Variants in PCDH15 observed in about 807,000 individuals in gnomAD.
PCDH15 encodes protocadherin-15.
In PCDH15, 129 loss-of-function variants were observed where a neutral mutation model predicts 178.5. The ratio of observed to expected loss-of-function variants is 0.72; its 90% CI spans 0.63 to 0.84. The LOEUF (loss-of-function observed/expected upper bound fraction) is 0.84. PCDH15 is among the 40% of genes least tolerant of loss of function. PCDH15 has a pLI of 0.00. For synonymous variants in PCDH15, 800 were observed against 732.0 expected (o/e 1.09, Z -1.50); for missense variants, 2,230 against 2,099.9 (o/e 1.06, Z -1.21).
intron 2 of PCDH15, among the ~76,000 whole-genome samples, chr10:55,619,361 G>A (rs1843542644): frequency 6.6e-6 from 1 of 151,936 alleles, no homozygotes; most frequent in African/African-American, 2.4e-5. Flanking sequence ...ACACTCTGCT[G>A]GAGGTAACTT....
chr10:54,242,166 A>G (rs1370492390), intron 8 of PCDH15, among the ~76,000 whole-genome samples: 7 of 116,984 alleles, frequency 6.0e-5, no homozygotes, highest in African/African-American at 2.4e-4. Flanking sequence ...ATATATATAT[A>G]TATATATATA....
chr10:54,881,319 C>A (rs1243565877), intron 3 of PCDH15, among the ~76,000 whole-genome samples: 1 of 152,058 alleles, frequency 6.6e-6, no homozygotes, highest in Non-Finnish European at 1.5e-5. Context: ...ATGCTTTTGC[C>A]TCTTCTCTGC....
Position 55,048,495 on chromosome 10 carries a change from T to C in PCDH15, c.-80+118081A>G, listed in dbSNP as rs193147814. Among the ~76,000 whole-genome samples, 272 of 152,046 alleles carry C rather than the reference T, an allele frequency of 1.8e-3. 1 individual carries two copies. Among genetic ancestry groups the C allele is most frequent in the African/African-American group, 6.5e-3 (268 of 41,550 alleles). ...TTTATAGAAAATGTTATGCCTCTCA[T>C]AGCATTAATTGTTTTTAAAAAGTTA... On this transcript the variant is annotated intron_variant, in intron 2 of 5. Transcript: ENST00000458638.
At chr10:54,287,183 C>G (rs2059081973) in intron 8 of PCDH15, among the ~76,000 whole-genome samples, 1 of 152,066 alleles carries the variant, frequency 6.6e-6, no homozygotes, top group African/African-American at 2.4e-5. Flanking sequence ...CTCAAAACTT[C>G]TAAAGTTTAA....
At chr10:54,719,686 C>A (rs548152256) in intron 1 of PCDH15, among the ~76,000 whole-genome samples, 2 of 152,060 alleles carry the variant, frequency 1.3e-5, no homozygotes, top group South Asian at 2.1e-4. Flanking sequence ...TCAGCCGCCA[C>A]CCCCCGACTG....
At chr10:54,524,580 G>A (rs2083201280) in intron 3 of PCDH15, among the ~76,000 whole-genome samples, 1 of 152,086 alleles carries the variant, frequency 6.6e-6, no homozygotes, top group South Asian at 2.1e-4. Context: ...CTTTCAGTAA[G>A]GCTTCAATGC....
intron 12 of PCDH15, among the ~76,000 whole-genome samples, chr10:54,183,963 C>T (rs2048249882): frequency 1.3e-5 from 2 of 152,020 alleles, no homozygotes; most frequent in South Asian, 4.1e-4. Flanking sequence ...ATTTTGTATA[C>T]AATAGTTCCT....
intron 16 of PCDH15, among the ~76,000 whole-genome samples, chr10:54,087,082 A>G (rs2094527309): frequency 1.3e-5 from 2 of 152,176 alleles, no homozygotes; most frequent in South Asian, 2.1e-4. Context: ...GAAATTCTTA[A>G]GAGACCTGGG....
chr10:55,322,927 T>C (rs994510104), upstream of PCDH15, among the ~76,000 whole-genome samples: 3 of 152,250 alleles, frequency 2.0e-5, no homozygotes, highest in Admixed American at 6.5e-5. Context: ...AGGCAGCCCC[T>C]GCCATCAGGC....
chr10:55,493,352 T>C (rs1056938704), intron 2 of PCDH15, among the ~76,000 whole-genome samples: 3 of 151,300 alleles, frequency 2.0e-5, no homozygotes, highest in Non-Finnish European at 4.4e-5. Flanking sequence ...GCTCAAGAGT[T>C]AAAGACCAGC....
intron 2 of PCDH15, among the ~76,000 whole-genome samples, chr10:55,519,695 G>A (rs1382449093): frequency 1.3e-5 from 2 of 151,510 alleles, no homozygotes; most frequent in Admixed American, 6.6e-5. Flanking sequence ...TATTTAAAAT[G>A]TATGATAGAT....
intron 2 of PCDH15, among the ~76,000 whole-genome samples, chr10:55,432,875 C>T (rs1838921910): frequency 6.6e-6 from 1 of 151,752 alleles, no homozygotes; most frequent in African/African-American, 2.4e-5. Context: ...CCGCCCGCCT[C>T]GGCCTCCCAA....
chr10:53,837,106 G>C (rs1036408329), intron 29 of PCDH15, among the ~76,000 whole-genome samples: 1 of 151,880 alleles, frequency 6.6e-6, no homozygotes, highest in Non-Finnish European at 1.5e-5. Context: ...ATGTGGGCGG[G>C]GGAGGGGAGC....
intron 2 of PCDH15, among the ~76,000 whole-genome samples, chr10:55,325,219 G>T (rs1588914791): frequency 6.6e-6 from 1 of 151,906 alleles, no homozygotes; most frequent in Non-Finnish European, 1.5e-5. Flanking sequence ...GAGAAAAAAT[G>T]ATCTTAAAAT....
At chr10:54,703,755 C>T (rs1436836929) in intron 1 of PCDH15, among the ~76,000 whole-genome samples, 1 of 151,888 alleles carries the variant, frequency 6.6e-6, no homozygotes, top group Non-Finnish European at 1.5e-5. Context: ...ACATTCCATA[C>T]TCATATATAG....
intron 3 of PCDH15, among the ~76,000 whole-genome samples, chr10:54,446,725 T>C (rs2076161922): frequency 6.6e-6 from 1 of 151,530 alleles, no homozygotes; most frequent in Non-Finnish European, 1.5e-5. Flanking sequence ...GAGATTTTAG[T>C]ATCTCAGCAT....
chr10:53,938,651 T>G (rs2134051350), intron 25 of PCDH15, among the ~76,000 whole-genome samples, 164 bp downstream of exon 25: 1 of 152,270 alleles, frequency 6.6e-6, no homozygotes, highest in Non-Finnish European at 1.5e-5. Context: ...ACTCCCTGCC[T>G]TGTCATATAT....
chr10:54,566,397 T>C (rs573857623), intron 2 of PCDH15, among the ~76,000 whole-genome samples: 3 of 152,284 alleles, frequency 2.0e-5, no homozygotes, highest in African/African-American at 7.2e-5. Context: ...TTACACTCTG[T>C]GGCTTTGACT....
chr10:53,848,950 C>T lies in PCDH15; in HGVS notation c.3806+8225G>A, dbSNP rs10128515. The stretch of plus-strand genomic sequence containing the variant: ...TAAACACATAGTGTTTTTAATTGAT[C>T]TTCCAATAAAATATATTTTTAATCT... On this transcript the variant is annotated intron_variant, in intron 28 of 37. Transcript: ENST00000644397. Among the ~76,000 whole-genome samples, 309 of 152,172 alleles carry T rather than the reference C, an allele frequency of 2.0e-3. 1 individual carries two copies. The highest frequency in any genetic ancestry group is 7.1e-3 in the African/African-American group (294 of 41,548).
Sources: gnomAD v4.1 joint callset for allele counts (sites outside exome capture counted in the v4.1 genomes callset) on GRCh38, gnomAD v4.1.1 for gene constraint, MANE v1.5 for transcripts, NCBI Gene and HGNC (gene_info 2026-07-23, HGNC 2026-07-21) for gene names.